TTC28: variants seen among roughly 807,000 people sequenced by gnomAD.
TTC28 encodes tetratricopeptide repeat protein 28.
TTC28 carries 61 observed loss-of-function variants against 198.0 expected under a neutral mutation model. The observed-to-expected ratio is 0.31, with a 90% CI of 0.25 to 0.38. TTC28 has a LOEUF of 0.38. Ranked by LOEUF, TTC28 falls within the 10% of genes least tolerant of loss-of-function variation. The pLI is 1.00. For missense variants in TTC28, 2,678 were observed against 3,164.0 expected (o/e 0.85, Z 3.69); for synonymous variants, 1,171 against 1,297.8 (o/e 0.90, Z 2.10).
chr22:28,161,528 T>C (rs1033152793), intron 6 of TTC28, among the ~76,000 whole-genome samples: 1 of 151,972 alleles, frequency 6.6e-6, no homozygotes, highest in Non-Finnish European at 1.5e-5. Context: ...ATGCACTGCA[T>C]CTATGGTTCT....
At chr22:28,414,830 A>C (rs1012142670) in intron 2 of TTC28, among the ~76,000 whole-genome samples, 1 of 152,232 alleles carries the variant, frequency 6.6e-6, no homozygotes, top group Non-Finnish European at 1.5e-5. Flanking sequence ...CCAATTTTGC[A>C]TGGAAACTTC....
chr22:28,549,865 C>T (rs763040784), intron 2 of TTC28, among the ~76,000 whole-genome samples: 1 of 152,088 alleles, frequency 6.6e-6, no homozygotes, highest in Non-Finnish European at 1.5e-5. Flanking sequence ...TGGAGATCAC[C>T]GATTTCACAA....
At chr22:28,675,946 G>C (rs191285934) in intron 1 of TTC28, among the ~76,000 whole-genome samples, 41 of 152,154 alleles carry the variant, frequency 2.7e-4, no homozygotes, top group Non-Finnish European at 5.0e-4. Flanking sequence ...TATTTGCCAG[G>C]TGTGGTGGCA....
intron 2 of TTC28, among the ~76,000 whole-genome samples, chr22:28,383,809 G>C (rs2046532685): frequency 6.6e-6 from 1 of 152,176 alleles, no homozygotes; most frequent in Non-Finnish European, 1.5e-5. Flanking sequence ...TGTCCTCACA[G>C]CCTATTTTTC....
intron 2 of TTC28, among the ~76,000 whole-genome samples, chr22:28,381,432 C>G (rs2046492395): frequency 6.6e-6 from 1 of 152,134 alleles, no homozygotes; most frequent in African/African-American, 2.4e-5. Flanking sequence ...GATAGCAGTT[C>G]CCTCCCTTCC....
chr22:28,238,574 T>A (rs115487567), intron 5 of TTC28, among the ~76,000 whole-genome samples: 2,358 of 152,262 alleles, frequency 0.015, 77 homozygotes, highest in African/African-American at 0.055. Flanking sequence ...CTAAGACTTG[T>A]TTTTAAGTTT....
chr22:28,369,980 T>C (rs577754475), intron 2 of TTC28, among the ~76,000 whole-genome samples: 2 of 152,206 alleles, frequency 1.3e-5, no homozygotes, highest in South Asian at 2.1e-4. Flanking sequence ...ACCCTCTATA[T>C]CCAAACCCTG....
intron 5 of TTC28, among the ~76,000 whole-genome samples, chr22:28,207,411 G>A (rs1278965285): frequency 1.3e-5 from 2 of 152,114 alleles, no homozygotes; most frequent in Non-Finnish European, 2.9e-5. Context: ...AAAAGGGCAA[G>A]GGGCCACCTT....
chr22:28,319,446 T>G (rs987277748), intron 2 of TTC28, among the ~76,000 whole-genome samples: 2 of 152,156 alleles, frequency 1.3e-5, no homozygotes, highest in African/African-American at 4.8e-5. Context: ...TATTTCCTCT[T>G]TTAAAAAACT....
At chr22:28,320,892 T>C (rs888420077) in intron 2 of TTC28, among the ~76,000 whole-genome samples, 2 of 152,162 alleles carry the variant, frequency 1.3e-5, no homozygotes, top group South Asian at 2.1e-4. Flanking sequence ...AAGTGAAAAA[T>C]AGAAGTGTAG....
At chr22:28,069,966 AC>A (rs1940904461) in intron 12 of TTC28, among the ~76,000 whole-genome samples, 1 of 149,202 alleles carries the variant, frequency 6.7e-6, no homozygotes, top group Non-Finnish European at 1.5e-5. Context: ...ACACACACAC[AC>A]AAATGCCCCT....
At chr22:28,235,077 G>A (rs1929133144) in intron 5 of TTC28, among the ~76,000 whole-genome samples, 1 of 152,222 alleles carries the variant, frequency 6.6e-6, no homozygotes, top group Admixed American at 6.5e-5. Flanking sequence ...TGGCAGTTGG[G>A]AAATGAAAGC....
intron 1 of TTC28, among the ~76,000 whole-genome samples, chr22:28,656,759 G>C (rs531241148): frequency 6.6e-6 from 1 of 152,112 alleles, no homozygotes; most frequent in Non-Finnish European, 1.5e-5. Context: ...CCACCGGCCT[G>C]TCGTGGCGTG....
chr22:28,132,963 C>T (rs935528115), intron 6 of TTC28, among the ~76,000 whole-genome samples: 2 of 152,158 alleles, frequency 1.3e-5, no homozygotes, highest in African/African-American at 2.4e-5. Context: ...GTGGCTCACA[C>T]CTGTAATCCC....
At chr22:28,174,648 G>A (rs1183002687) in intron 5 of TTC28, among the ~76,000 whole-genome samples, 1 of 152,138 alleles carries the variant, frequency 6.6e-6, no homozygotes, top group Non-Finnish European at 1.5e-5. Flanking sequence ...AGGAGTTTGA[G>A]GCTACAGGGA....
intron 5 of TTC28, among the ~76,000 whole-genome samples, chr22:28,167,491 T>A (rs1164045612): frequency 6.6e-6 from 1 of 152,230 alleles, no homozygotes; most frequent in Non-Finnish European, 1.5e-5. Flanking sequence ...GTGGACTTCA[T>A]CTCTGCGATG....
chr22:28,177,214 T>C (rs546777431), intron 5 of TTC28, among the ~76,000 whole-genome samples: 3 of 152,256 alleles, frequency 2.0e-5, no homozygotes, highest in South Asian at 4.2e-4. Flanking sequence ...GACAGCTCAT[T>C]AGAGAAGATA....
At chr22:28,342,058 T>A (rs1434905975) in intron 2 of TTC28, among the ~76,000 whole-genome samples, 2 of 152,190 alleles carry the variant, frequency 1.3e-5, no homozygotes, top group African/African-American at 2.4e-5. Flanking sequence ...ACTCTGAACA[T>A]GTTTAAAACT....
intron 13 of TTC28, among the ~76,000 whole-genome samples, chr22:28,017,449 G>T (rs1340355545): frequency 6.6e-6 from 1 of 152,220 alleles, no homozygotes; most frequent in Non-Finnish European, 1.5e-5. Flanking sequence ...CTGAGCTGAG[G>T]AAAGGCTCTT....
Sources: gnomAD v4.1 joint callset for allele counts (sites outside exome capture counted in the v4.1 genomes callset) on GRCh38, gnomAD v4.1.1 for gene constraint, MANE v1.5 for transcripts, NCBI Gene and HGNC (gene_info 2026-07-23, HGNC 2026-07-21) for gene names.